The following CLASRP variants were observed in gnomAD, a reference collection of about 807,000 sequenced individuals.
The protein encoded by CLASRP is CLK4 associating serine/arginine rich protein, also known as CLK4-associating serine/arginine rich protein.
A neutral mutation model predicts 99.9 loss-of-function variants in CLASRP; 52 were observed. The ratio of observed to expected loss-of-function variants is 0.52; its 90% confidence interval spans 0.42 to 0.66. CLASRP has a LOEUF of 0.66. CLASRP is among the 30% of genes least tolerant of loss of function. The pLI, the probability that CLASRP is intolerant of heterozygous loss-of-function variation, is 0.00. For synonymous variants in CLASRP, 379 were observed against 373.0 expected, an observed-to-expected ratio of 1.02 and a Z score of -0.18; for missense variants, 848 against 999.2, an observed-to-expected ratio of 0.85 and a Z score of 2.04.
In CLASRP at chr19:45,060,576, GGAGA is replaced by G; in HGVS notation, c.816_819del (p.Arg272SerfsTer7). The G allele has an allele frequency of 6.2e-7, 1 of 1,612,852 alleles. No individual in the cohort carries two copies. The highest frequency in any genetic ancestry group is 8.5e-7 in the Non-Finnish European group (1 of 1,179,632). On this transcript the variant is annotated frameshift_variant, in exon 10 of 21. Transcript: ENST00000221455. LOFTEE classifies it high-confidence loss of function. The surrounding 1 kb of genome is among the most constrained non-coding windows in gnomAD (Gnocchi z 4.6). ...CAGGGACGCCGCTCTCGACGCCAGC[GGAGA>G]GAGTTTCGGGAGAAGCGGCTGAGGG...
In CLASRP at chr19:45,067,347, C is replaced by T; in HGVS notation, c.1420C>T (p.His474Tyr). The part of the protein sequence containing the change: ...GPRRRSRSRS[H>Y]SGDRYRRGGR... ...CTGCTGCATCCCCAGGAGCCGCTCC[C>T]ACTCAGGGGACCGCTACAGGCGGGG... is the stretch of plus-strand genomic sequence containing the variant. The change falls in exon 14 of 21, where the codon CAC becomes TAC. Residue 474 changes from histidine (H) to tyrosine (Y), a missense_variant. This residue lies in a region of CLASRP where 489 missense variants were observed against 434.7 expected (regional missense o/e 1.12). Coordinates refer to ENST00000221455, the MANE Select transcript of CLASRP (RefSeq NM_007056.3). This position sits in a 1 kb window ranked among gnomAD's most constrained non-coding sequence, Gnocchi z 4.9. The T allele has an allele frequency of 2.6e-6, 4 of 1,517,546 alleles. No homozygotes were observed. The highest frequency in any genetic ancestry group is 3.5e-6 in the Non-Finnish European group (4 of 1,137,152). The allele number at this position is 1,517,546 out of a possible 1,614,324, so 94.0% of individuals were successfully genotyped here.
chr19:45,068,879 T>C (rs1967162382), intron 16 of CLASRP, among the ~76,000 whole-genome samples, 187 bp from the exon 17 acceptor site: 1 of 151,380 alleles, frequency 6.6e-6, no homozygotes, highest in Non-Finnish European at 1.5e-5. Context: ...TAGTCCCAGC[T>C]ACTCAGGAGG....
In CLASRP at chr19:45,056,616, T is replaced by C. The variant is rs891572918; in HGVS notation, c.464+82T>C. On this transcript the variant is annotated intron_variant, in intron 6 of 20. Coordinates refer to ENST00000221455, the MANE Select transcript of CLASRP (RefSeq NM_007056.3). ...GCCAGGCATGGCCTCTTCCATCCTGTCCACCAGGGTCTCCCCGAAACCAAG... is the reference window on the plus strand; with the variant it reads ...GCCAGGCATGGCCTCTTCCATCCTGCCCACCAGGGTCTCCCCGAAACCAAG... 6.5e-6 allele frequency: 7 copies of C among 1,068,906 alleles called. No individual in the cohort carries two copies. In the Admixed American group the frequency reaches 1.2e-4, roughly 19 times the overall value. The allele number at this position is 1,068,906 out of a possible 1,614,324, so 66.2% of individuals were successfully genotyped here. A position where few individuals can be genotyped will look rare whatever the true frequency, so the allele number is the denominator to read the frequency against.
chr19:45,066,589 C>T lies in CLASRP; in HGVS notation c.1410-748C>T, dbSNP rs557498503. 2.9e-5 allele frequency among the ~76,000 whole-genome samples: 4 copies of T among 139,558 alleles called. No homozygotes were observed. The South Asian group carries it at 9.0e-4, about 32-fold the overall frequency. The allele number at this position is 139,558 out of a possible 152,430, so 91.6% of individuals were successfully genotyped here. A position where few individuals can be genotyped will look rare whatever the true frequency, so the allele number is the denominator to read the frequency against. On this transcript the variant is annotated intron_variant, in intron 13 of 20. Coordinates refer to ENST00000221455, the MANE Select transcript of CLASRP (RefSeq NM_007056.3). ...AGTGAGCCCAGCTATTGCACCACTG[C>T]ACTCCAGCCTGGGCGACAGAGAGAG...
At chr19:45,061,290 A>G (rs184070367) in intron 10 of CLASRP, among the ~76,000 whole-genome samples, 1 of 152,106 alleles carries the variant, frequency 6.6e-6, no homozygotes, top group Admixed American at 6.5e-5. Context: ...AATAGCACCA[A>G]TCGTCATTGC....
rs1967176724 is a variant in CLASRP, at chr19:45,069,246, G to A, written c.1872G>A (p.Met624Ile). The change falls in exon 18 of 21, where the codon ATG (methionine) becomes ATA (isoleucine). Residue 624 changes from methionine to isoleucine, a missense_variant and splice_region_variant. Met to Ile is a conservative substitution (Grantham distance 10, BLOSUM62 1). Around this residue, in one of 8 missense-constraint regions of CLASRP, gnomAD observed 116 missense variants for 162.7 expected, o/e 0.71. Transcript: ENST00000221455. ...GAGCCATGGCCCGCAAGATCCGCAT[G>A]AAGTAAGACCTTGCCCCTCCCTGTC... ...ELRAMARKIR[M>I]KERERREKER... 2.5e-6 allele frequency: 4 copies of A among 1,613,258 alleles called. No homozygotes were observed. Among genetic ancestry groups the A allele is most frequent in the Non-Finnish European group, 3.4e-6 (4 of 1,179,998 alleles).
Position 45,067,613 on chromosome 19 carries a change from G to A in CLASRP, c.1667+19G>A. The A allele has an allele frequency of 1.3e-6, 2 of 1,571,274 alleles. No homozygotes were observed. Among genetic ancestry groups the A allele is most frequent in the Non-Finnish European group, 1.7e-6 (2 of 1,159,470 alleles). Reference sequence around the variant, plus strand: ...TGAAAAAGTGAGCGGGGCGGGTCTGGAGGAAGAGGGCTGCCAATCTCGGGT... The same window carrying A: ...TGAAAAAGTGAGCGGGGCGGGTCTGAAGGAAGAGGGCTGCCAATCTCGGGT... On this transcript the variant is annotated intron_variant, in intron 14 of 20. Transcript: ENST00000221455. The surrounding 1 kb of genome is among the most constrained non-coding windows in gnomAD (Gnocchi z 4.9).
intron 16 of CLASRP, among the ~76,000 whole-genome samples, 165 bp from the exon 17 acceptor site, chr19:45,068,901 G>GA (rs1967162987): frequency 6.6e-6 from 1 of 151,870 alleles, no homozygotes; most frequent in Non-Finnish European, 1.5e-5. Context: ...TGAGGCAGGA[G>GA]ATGGCGCGAA....
chr19:45,057,738 C>T lies in CLASRP; in HGVS notation c.465-12C>T, dbSNP rs1007759821. On this transcript the variant is annotated splice_polypyrimidine_tract_variant and intron_variant, in intron 6 of 20. Transcript: ENST00000221455. ...TGGGCACGGCCCTGGCTTACCAGCT[C>T]CCCTTTCTCAGGCTGGCAGAGAAGA... 1.2e-6 allele frequency: 2 copies of T among 1,613,672 alleles called. No individual in the cohort carries two copies. Among genetic ancestry groups the T allele is most frequent in the East Asian group, 2.2e-5 (1 of 44,884 alleles).
intron 10 of CLASRP, among the ~76,000 whole-genome samples, chr19:45,061,207 A>C (rs1332817794): frequency 6.6e-6 from 1 of 152,066 alleles, no homozygotes; most frequent in Non-Finnish European, 1.5e-5. Flanking sequence ...CTTAAAGGAG[A>C]GTGACTGAGA....
rs1966909180 is a variant in CLASRP at position 45,060,256 on chromosome 19, G to T, written c.711-133G>T. On this transcript the variant is annotated intron_variant, in intron 8 of 20. Coordinates refer to ENST00000221455, the MANE Select transcript of CLASRP (RefSeq NM_007056.3). This position sits in a 1 kb window ranked among gnomAD's most constrained non-coding sequence, Gnocchi z 4.6. ...GCACACAGAGGGTGCTTGATAAGTG[G>T]CATTGAATGAAAGATACCTCAGGCT... 7 of 719,904 alleles carry T rather than the reference G, an allele frequency of 9.7e-6. No homozygotes were observed. Among genetic ancestry groups the T allele is most frequent in the Admixed American group, 6.5e-5 (3 of 46,494 alleles). 44.6% of individuals were successfully genotyped at this position (719,904 alleles called of 1,614,324 possible). A position where few individuals can be genotyped will look rare whatever the true frequency, so the allele number is the denominator to read the frequency against.
At position 45,052,052 on chromosome 19, in the gene CLASRP, G is replaced by GTCCT; in HGVS notation, c.100-18_100-15dup. 5.0e-6 allele frequency: 8 copies of GTCCT among 1,610,236 alleles called. No homozygotes were observed. The highest frequency in any genetic ancestry group is 6.8e-6 in the Non-Finnish European group (8 of 1,176,986). On this transcript the variant is annotated intron_variant, in intron 2 of 20. Coordinates refer to ENST00000221455, the MANE Select transcript of CLASRP (RefSeq NM_007056.3). ...GGAGCTCTGTTGGGTGGTGACCTCA[G>GTCCT]TCCTGTTTACCCCTGCAGAAGAAGG...
Position 45,064,441 on chromosome 19 carries a change from G to A in CLASRP, c.1220G>A (p.Gly407Asp), listed in dbSNP as rs1264868581. The change falls in exon 13 of 21, where the codon GGC becomes GAC. Residue 407 changes from glycine (G) to aspartate (D), a missense_variant. By Grantham distance (94) the Gly-to-Asp change is moderately conservative. Coordinates refer to ENST00000221455, the MANE Select transcript of CLASRP (RefSeq NM_007056.3). ...RSSSRSRRGGGYYRSGRHARS... is the reference protein window; with the variant it reads ...RSSSRSRRGGDYYRSGRHARS... ...AGCTCCCGCTCTCGCCGTGGTGGGG[G>A]CTACTACCGTTCCGGCCGCCACGCC... The A allele has an allele frequency of 2.0e-6, 3 of 1,527,028 alleles. No individual in the cohort carries two copies. Among genetic ancestry groups the A allele is most frequent in the South Asian group, 1.2e-5 (1 of 83,794 alleles). 94.6% of individuals were successfully genotyped at this position (1,527,028 alleles called of 1,614,324 possible).
rs553008235 is a variant in CLASRP, at chr19:45,043,880, T to C, written c.99+3569T>C. Among the ~76,000 whole-genome samples, 302 of 151,850 alleles carry C rather than the reference T, an allele frequency of 2.0e-3. 1 individual carries two copies. The highest frequency in any genetic ancestry group is 6.8e-3 in the Middle Eastern group (2 of 294). On this transcript the variant is annotated intron_variant, in intron 2 of 20. Coordinates refer to ENST00000221455, the MANE Select transcript of CLASRP (RefSeq NM_007056.3). ...TAGGAACACAGCACTCAGGAATGAATAGCTACCTTTTTTTTTTTTGAGATG... is the reference window on the plus strand; with the variant it reads ...TAGGAACACAGCACTCAGGAATGAACAGCTACCTTTTTTTTTTTTGAGATG...
chr19:45,067,568 C>G lies in CLASRP; in HGVS notation c.1641C>G (p.Ser547=). 1.9e-6 allele frequency: 3 copies of G among 1,602,838 alleles called. No individual in the cohort carries two copies. The African/African-American group carries it at 4.0e-5, about 21-fold the overall frequency. ...AGAAGCTGACCAGGCCGGCCGCGTCCCCTGCTGTGGGCGAGAAGCTGAAAA... is the reference window on the plus strand; with the variant it reads ...AGAAGCTGACCAGGCCGGCCGCGTCGCCTGCTGTGGGCGAGAAGCTGAAAA... ...AREKLTRPAA[S]PAVGEKLKKT... is the part of the protein sequence containing the mutation. The change falls in exon 14 of 21, where the codon TCC becomes TCG. Residue 547 remains serine (S), a synonymous_variant. Transcript: ENST00000221455. The surrounding 1 kb of genome is among the most constrained non-coding windows in gnomAD (Gnocchi z 4.9).
Position 45,045,559 on chromosome 19 carries a change from C to T in CLASRP, c.99+5248C>T, listed in dbSNP as rs1971900694. ...GATGTTTTCCCGTAACATTTCCACT[C>T]CTCCCCTGCTGACCAGGAAGTAGTC... On this transcript the variant is annotated intron_variant, in intron 2 of 20. Coordinates refer to ENST00000221455, the MANE Select transcript of CLASRP (RefSeq NM_007056.3). 2.6e-5 allele frequency among the ~76,000 whole-genome samples: 4 copies of T among 152,276 alleles called. No homozygotes were observed. In the South Asian group the frequency reaches 8.3e-4, roughly 32 times the overall value.
In CLASRP at chr19:45,062,189, A is replaced by G. The variant is rs765710332; in HGVS notation, c.899A>G (p.Tyr300Cys). 4 of 1,525,966 alleles carry G rather than the reference A, an allele frequency of 2.6e-6. No homozygotes were observed. Among genetic ancestry groups the G allele is most frequent in the Non-Finnish European group, 3.6e-6 (4 of 1,099,966 alleles). The allele number at this position is 1,525,966 out of a possible 1,614,324, so 94.5% of individuals were successfully genotyped here. ...ARRDSPTYDP[Y>C]KRSPSESSSE... ...CGAGACAGCCCCACCTATGACCCCT[A>G]TAAGCGGTAAGTTGCTCTGGAGGAC... Residue 300 changes from tyrosine to cysteine, a missense_variant, in exon 11 of 21, where the codon TAT (tyrosine) becomes TGT (cysteine). Tyr to Cys is a radical substitution (Grantham distance 194). Transcript: ENST00000221455.
intron 10 of CLASRP, 130 bp from the exon 11 acceptor site, chr19:45,062,024 A>G (rs1489224253): frequency 1.4e-6 from 1 of 714,712 alleles, no homozygotes; most frequent in South Asian, 1.6e-5. Flanking sequence ...GAGGCCCCCA[A>G]CCTGGTCAGC....
rs975298651 is a variant in CLASRP at position 45,058,009 on chromosome 19, T to C, written c.613+111T>C. ...TGCTTACGAACCGTGTCTCTCTCCC[T>C]ACCCCGCCCCAGGGCACACCAGCCT... On this transcript the variant is annotated intron_variant, in intron 7 of 20. Coordinates refer to ENST00000221455, the MANE Select transcript of CLASRP (RefSeq NM_007056.3). 38 of 1,395,530 alleles carry C rather than the reference T, an allele frequency of 2.7e-5. No individual in the cohort carries two copies. In the African/African-American group the frequency reaches 4.4e-4, roughly 16 times the overall value. The allele number at this position is 1,395,530 out of a possible 1,614,324, so 86.4% of individuals were successfully genotyped here.
Sources: allele counts gnomAD v4.1 joint callset (sites outside exome capture counted in the v4.1 genomes callset), GRCh38; gene constraint gnomAD v4.1.1; regional missense constraint gnomAD v4.1.1; non-coding constraint Gnocchi (gnomAD v3.1); transcripts MANE v1.5; gene names NCBI Gene and HGNC (gene_info 2026-07-23, HGNC 2026-07-21).